Variants in PPP1R16B observed in about 807,000 individuals in gnomAD.
The protein encoded by PPP1R16B is protein phosphatase 1 regulatory inhibitor subunit 16B.
PPP1R16B carries 14 observed loss-of-function variants against 61.7 expected under a neutral mutation model. That is an observed-to-expected ratio of 0.23 (90% CI 0.15 to 0.35). PPP1R16B has a LOEUF of 0.35. Ranked by LOEUF, PPP1R16B falls within the 10% of genes least tolerant of loss-of-function variation. The pLI is 1.00. For missense variants in PPP1R16B, 547 were observed against 752.5 expected, an observed-to-expected ratio of 0.73 and a Z score of 3.19; for synonymous variants, 266 against 305.3, an observed-to-expected ratio of 0.87 and a Z score of 1.34.
intron 10 of PPP1R16B, among the ~76,000 whole-genome samples, chr20:38,909,395 A>G (rs2085471366): frequency 1.3e-5 from 2 of 152,152 alleles, no homozygotes; most frequent in South Asian, 4.1e-4. Context: ...ACCTGCAAAT[A>G]CCTATTTCTA....
At chr20:38,905,734 C>A (rs1029854166) in intron 6 of PPP1R16B, among the ~76,000 whole-genome samples, 1 of 152,212 alleles carries the variant, frequency 6.6e-6, no homozygotes, top group African/African-American at 2.4e-5. Context: ...ATCGCTTTAA[C>A]CACATGGATG....
At chr20:38,911,358 G>A (rs1010802193) in intron 10 of PPP1R16B, among the ~76,000 whole-genome samples, 2 of 146,290 alleles carry the variant, frequency 1.4e-5, no homozygotes, top group African/African-American at 5.1e-5. Flanking sequence ...AGTAGAGACG[G>A]GGTTTCACCG....
At chr20:38,839,221 G>A (rs1483102925) in intron 2 of PPP1R16B, among the ~76,000 whole-genome samples, 2 of 152,128 alleles carry the variant, frequency 1.3e-5, no homozygotes, top group South Asian at 2.1e-4. Context: ...GAGCCACCGC[G>A]TTCAGTTTTT....
At chr20:38,901,082 CA>C (rs936882436) in intron 5 of PPP1R16B, among the ~76,000 whole-genome samples, 2 of 152,180 alleles carry the variant, frequency 1.3e-5, no homozygotes, top group African/African-American at 4.8e-5. Flanking sequence ...CGCTGGCTGC[CA>C]GGGGCCCAGA....
intron 2 of PPP1R16B, among the ~76,000 whole-genome samples, chr20:38,879,354 G>A (rs1011361733): frequency 6.6e-6 from 1 of 152,068 alleles, no homozygotes; most frequent in Non-Finnish European, 1.5e-5. Flanking sequence ...TCATCTTCAC[G>A]GTAGCTGAGT....
intron 2 of PPP1R16B, among the ~76,000 whole-genome samples, chr20:38,847,087 G>A (rs2084940284): frequency 6.6e-6 from 1 of 152,166 alleles, no homozygotes; most frequent in Non-Finnish European, 1.5e-5. Flanking sequence ...GATGTTCATT[G>A]GCTTTGAGGT....
intron 2 of PPP1R16B, among the ~76,000 whole-genome samples, chr20:38,873,789 C>T (rs1053790128): frequency 3.5e-5 from 5 of 144,310 alleles, no homozygotes; most frequent in East Asian, 4.0e-4. Flanking sequence ...CCCAGGCTGG[C>T]GTGATCTCAG....
intron 1 of PPP1R16B, among the ~76,000 whole-genome samples, chr20:38,809,992 AAAAAAAAAAAAAAAC>A (rs983953847): frequency 1.4e-5 from 2 of 147,678 alleles, no homozygotes; most frequent in Non-Finnish European, 2.9e-5. Flanking sequence ...TTCGAAAAAA[AAAAAAAAAAAAAAAC>A]AAAACCAAAA....
At chr20:38,855,927 TATATATATATATATATAGAGAGAG>T (rs1568663467) in intron 2 of PPP1R16B, among the ~76,000 whole-genome samples, 1 of 54,770 alleles carries the variant, frequency 1.8e-5, no homozygotes, top group African/African-American at 1.1e-4. Flanking sequence ...TATATATATA[TATATATATATATATATAGAGAGAG>T]AGAGAGAGAG....
intron 10 of PPP1R16B, 26 bp downstream of exon 10, chr20:38,908,219 G>T: frequency 6.2e-7 from 1 of 1,613,142 alleles, no homozygotes; most frequent in Admixed American, 1.7e-5. Context: ...CCCTGCCCTA[G>T]TGTCAGCCAC....
At chr20:38,832,645 G>A (rs975676158) in intron 1 of PPP1R16B, among the ~76,000 whole-genome samples, 8 of 152,110 alleles carry the variant, frequency 5.3e-5, no homozygotes, top group Non-Finnish European at 1.0e-4. Context: ...TGTGCCAGGC[G>A]CGGGGGCTCA....
At chr20:38,851,009 T>C (rs2084965293) in intron 2 of PPP1R16B, among the ~76,000 whole-genome samples, 1 of 151,280 alleles carries the variant, frequency 6.6e-6, no homozygotes, top group Non-Finnish European at 1.5e-5. Flanking sequence ...TGGGCAGAGA[T>C]GCTGCCTGGG....
At chr20:38,860,515 C>T (rs546477785) in intron 2 of PPP1R16B, among the ~76,000 whole-genome samples, 1 of 152,330 alleles carries the variant, frequency 6.6e-6, no homozygotes, top group South Asian at 2.1e-4. Flanking sequence ...GGCGGTATAG[C>T]CCTGGATCCT....
intron 2 of PPP1R16B, among the ~76,000 whole-genome samples, chr20:38,880,980 C>T (rs574400487): frequency 6.6e-6 from 1 of 152,308 alleles, no homozygotes; most frequent in South Asian, 2.1e-4. Context: ...TTGTCCAACC[C>T]CTCCTCTTCT....
At chr20:38,850,518 G>T (rs760354637) in intron 2 of PPP1R16B, among the ~76,000 whole-genome samples, 4 of 152,186 alleles carry the variant, frequency 2.6e-5, no homozygotes, top group Admixed American at 1.3e-4. Flanking sequence ...TTGTGCAATA[G>T]AATTTTTTTC....
chr20:38,913,384 T>C (rs760619120), intron 10 of PPP1R16B, among the ~76,000 whole-genome samples: 13 of 151,958 alleles, frequency 8.6e-5, no homozygotes, highest in Non-Finnish European at 1.9e-4. Context: ...TGCCTTAGCC[T>C]CCTGAGTAGC....
At chr20:38,902,862 C>T in intron 6 of PPP1R16B, 70 bp downstream of exon 6, 2 of 1,598,834 alleles carry the variant, frequency 1.3e-6, no homozygotes, top group Admixed American at 3.4e-5. Flanking sequence ...TGGTGGGGAC[C>T]AACCCTGTAC....
intron 10 of PPP1R16B, among the ~76,000 whole-genome samples, chr20:38,913,943 G>A (rs1466200700): frequency 2.0e-5 from 3 of 152,186 alleles, no homozygotes; most frequent in Non-Finnish European, 2.9e-5. Context: ...TGTAATCCCA[G>A]CACTTTGAGA....
chr20:38,899,387 G>A (rs1382234036), intron 4 of PPP1R16B, among the ~76,000 whole-genome samples: 2 of 152,214 alleles, frequency 1.3e-5, no homozygotes, highest in South Asian at 2.1e-4. Context: ...AAGCTGATCG[G>A]TATTACAATC....
Sources: gnomAD v4.1 joint callset for allele counts (sites outside exome capture counted in the v4.1 genomes callset) on GRCh38, gnomAD v4.1.1 for gene constraint, MANE v1.5 for transcripts, NCBI Gene and HGNC (gene_info 2026-07-23, HGNC 2026-07-21) for gene names.